Variants in BMPR1B observed in about 807,000 individuals in gnomAD.
The protein encoded by BMPR1B is bone morphogenetic protein receptor type 1B.
A neutral mutation model predicts 59.1 loss-of-function variants in BMPR1B; 12 were observed. The observed-to-expected ratio is 0.20, with a 90% CI of 0.13 to 0.33. The LOEUF (loss-of-function observed/expected upper bound fraction) is 0.33, where lower values mean the gene tolerates loss of function less well. Among genes scored for constraint, BMPR1B ranks in the 10% least tolerant of loss-of-function variants. The pLI is 1.00. For missense variants in BMPR1B, 550 were observed against 610.9 expected (o/e 0.90, Z 1.05); for synonymous variants, 237 against 207.3 (o/e 1.14, Z -1.23).
chr4:94,896,455 T>A (rs185624253), intron 2 of BMPR1B, among the ~76,000 whole-genome samples: 1 of 152,128 alleles, frequency 6.6e-6, no homozygotes, highest in East Asian at 1.9e-4. Context: ...TAGCTTGAAT[T>A]TGACTATGAT....
intron 4 of BMPR1B, among the ~76,000 whole-genome samples, chr4:95,109,425 G>C (rs1472689670): frequency 6.6e-6 from 1 of 152,036 alleles, no homozygotes; most frequent in East Asian, 1.9e-4. Context: ...GTTAACTCAG[G>C]CTTTTTAAAC....
At chr4:94,948,534 G>C (rs1384318806) in intron 2 of BMPR1B, among the ~76,000 whole-genome samples, 2 of 152,140 alleles carry the variant, frequency 1.3e-5, no homozygotes, top group Non-Finnish European at 2.9e-5. Flanking sequence ...TTGTATAAAG[G>C]CTAAAAGCAA....
intron 1 of BMPR1B, among the ~76,000 whole-genome samples, chr4:94,866,332 T>C (rs762304455): frequency 1.7e-4 from 26 of 152,206 alleles, no homozygotes; most frequent in Admixed American, 2.6e-4. Context: ...TTCCATATAT[T>C]GATACTGCCT....
intron 2 of BMPR1B, among the ~76,000 whole-genome samples, chr4:94,975,051 C>A (rs146751475): frequency 6.6e-6 from 1 of 152,136 alleles, no homozygotes; most frequent in South Asian, 2.1e-4. Context: ...TTCACAAGGA[C>A]GAAACTTCCA....
At chr4:95,103,057 AAGTT>A (rs535194696) in intron 3 of BMPR1B, among the ~76,000 whole-genome samples, 485 of 152,260 alleles carry the variant, frequency 3.2e-3, no homozygotes, top group Non-Finnish European at 5.9e-3. Context: ...CTGTTTGAGA[AAGTT>A]AGATGCACAT....
At chr4:94,903,790 G>A (rs1294788881) in intron 2 of BMPR1B, among the ~76,000 whole-genome samples, 2 of 151,914 alleles carry the variant, frequency 1.3e-5, no homozygotes, top group African/African-American at 4.8e-5. Context: ...TAGAGAGGAA[G>A]GACCAGGTGA....
At chr4:95,139,325 A>C (rs1176684996) in intron 10 of BMPR1B, among the ~76,000 whole-genome samples, 2 of 152,114 alleles carry the variant, frequency 1.3e-5, no homozygotes, top group Non-Finnish European at 2.9e-5. Flanking sequence ...GTCGGCCCCT[A>C]CTGGGAGGTG....
chr4:94,987,878 G>A (rs1163137753), intron 2 of BMPR1B, among the ~76,000 whole-genome samples: 1 of 151,952 alleles, frequency 6.6e-6, no homozygotes, highest in African/African-American at 2.4e-5. Context: ...TGAGAATTCA[G>A]CTACACCTTT....
At chr4:95,065,788 T>C (rs1186975773) in intron 3 of BMPR1B, among the ~76,000 whole-genome samples, 2 of 152,146 alleles carry the variant, frequency 1.3e-5, no homozygotes, top group African/African-American at 2.4e-5. Context: ...CAAGAAAATA[T>C]GCAACTAGGA....
intron 5 of BMPR1B, 74 bp from the exon 6 acceptor site, chr4:95,115,610 AT>A: frequency 7.9e-7 from 1 of 1,262,478 alleles, no homozygotes; most frequent in Admixed American, 1.7e-5. Flanking sequence ...AATAGTGACT[AT>A]TTTTAAAGTT....
rs1177096324 is a variant in BMPR1B, at chr4:95,096,729, A to AGTTATATATAACTATG, written c.-17-7679_-17-7678insGTTATATATAACTATG. Among the ~76,000 whole-genome samples the AGTTATATATAACTATG allele has an allele frequency of 1.4e-3, 25 of 17,986 alleles. 1 individual carries two copies. The highest frequency in any genetic ancestry group is 2.7e-3 in the South Asian group (1 of 364). 11.8% of individuals were successfully genotyped at this position (17,986 alleles called of 152,430 possible). On this transcript the variant is annotated intron_variant, in intron 3 of 12. Transcript: ENST00000515059. ...ATTATATAGAGGCATATATAACTAT[A>AGTTATATATAACTATG]TATAGTTATATATAACTATATATAG...
At chr4:94,917,792 A>C (rs761570731) in intron 2 of BMPR1B, among the ~76,000 whole-genome samples, 3 of 152,132 alleles carry the variant, frequency 2.0e-5, no homozygotes, top group Non-Finnish European at 4.4e-5. Context: ...AAATTTGGGA[A>C]GGGCCAGGGC....
chr4:95,001,361 T>G (rs1578906607), intron 3 of BMPR1B, among the ~76,000 whole-genome samples: 1 of 932 alleles, frequency 1.1e-3, no homozygotes, highest in African/African-American at 2.4e-3. Flanking sequence ...AGAATTAAGA[T>G]GGTATTTCTT....
At chr4:94,879,054 G>A (rs978701068) in intron 2 of BMPR1B, among the ~76,000 whole-genome samples, 7 of 151,972 alleles carry the variant, frequency 4.6e-5, no homozygotes, top group African/African-American at 1.7e-4. Context: ...ACAATGTGCA[G>A]GTTTGTTACA....
At position 95,148,817 on chromosome 4, in the gene BMPR1B, G is replaced by T; in HGVS notation, c.1146G>T (p.Val382=). The T allele has an allele frequency of 6.2e-7, 1 of 1,614,052 alleles. No homozygotes were observed. The highest frequency in any genetic ancestry group is 8.5e-7 in the Non-Finnish European group (1 of 1,179,958). The part of the protein sequence containing the change: ...VGTKRYMPPE[V]LDESLNRNHF... ...CCAAACGCTATATGCCTCCAGAAGT[G>T]TTGGACGAGAGCTTGAACAGAAATC... Residue 382 remains valine, a synonymous_variant, in exon 11 of 13, where the codon GTG becomes GTT. Transcript: ENST00000515059.
At chr4:94,927,894 G>C (rs569794050) in intron 2 of BMPR1B, among the ~76,000 whole-genome samples, 62 of 152,158 alleles carry the variant, frequency 4.1e-4, no homozygotes, top group Non-Finnish European at 7.2e-4. Context: ...ACCATTGCCT[G>C]GCACATCGAG....
chr4:94,902,850 A>G (rs1727885315), intron 2 of BMPR1B, among the ~76,000 whole-genome samples: 1 of 151,968 alleles, frequency 6.6e-6, no homozygotes. Context: ...GTAACCGGAA[A>G]TGTTTTCTTT....
chr4:95,024,548 A>T (rs925657504), intron 3 of BMPR1B, among the ~76,000 whole-genome samples: 4 of 152,172 alleles, frequency 2.6e-5, no homozygotes, highest in African/African-American at 9.7e-5. Flanking sequence ...TCATAAATAC[A>T]ACATGAACGT....
intron 3 of BMPR1B, chr4:95,103,394 T>G: frequency 1.1e-6 from 1 of 949,758 alleles, no homozygotes; most frequent in Non-Finnish European, 1.3e-6. Context: ...GATCTTAGAT[T>G]TCACTATAGA....
Sources: gnomAD v4.1 joint callset for allele counts (sites outside exome capture counted in the v4.1 genomes callset) on GRCh38, gnomAD v4.1.1 for gene constraint, MANE v1.5 for transcripts, NCBI Gene and HGNC (gene_info 2026-07-23, HGNC 2026-07-21) for gene names.